The following OR9Q1 variants were observed in gnomAD, a reference collection of about 807,000 sequenced individuals.
OR9Q1 encodes the protein olfactory receptor 9Q1.
For synonymous variants in OR9Q1, 153 were observed against 148.6 expected (o/e 1.03, Z -0.22); for missense variants, 374 against 378.8 (o/e 0.99, Z 0.11).
chr11:58,025,877 C>A (rs1007836622), intron 1 of OR9Q1, among the ~76,000 whole-genome samples: 5 of 152,168 alleles, frequency 3.3e-5, no homozygotes, highest in African/African-American at 1.2e-4. Flanking sequence ...TGTCTCTCCC[C>A]TGGCTTGCTG....
At chr11:58,129,771 G>A (rs1854123688) in intron 2 of OR9Q1, among the ~76,000 whole-genome samples, 1 of 152,030 alleles carries the variant, frequency 6.6e-6, no homozygotes, top group South Asian at 2.1e-4. Context: ...TTCTGTCACA[G>A]CACCCTTCTC....
intron 2 of OR9Q1, chr11:58,060,144 C>G (rs1853366558): frequency 6.6e-6 from 1 of 152,224 alleles, no homozygotes; most frequent in African/African-American, 2.4e-5. Flanking sequence ...CTTCCTCTCC[C>G]AAGGATGGAA....
intron 2 of OR9Q1, among the ~76,000 whole-genome samples, chr11:58,160,078 A>G (rs1213869208): frequency 1.3e-5 from 2 of 152,164 alleles, no homozygotes; most frequent in Non-Finnish European, 2.9e-5. Flanking sequence ...GAACTCAGCC[A>G]CCATTTTGTG....
chr11:58,128,101 C>T (rs921445), intron 2 of OR9Q1, among the ~76,000 whole-genome samples: 31,895 of 151,558 alleles, frequency 0.21, 3,921 homozygotes, highest in Middle Eastern at 0.38. Context: ...ACCAAACTGT[C>T]AAAATGAGCA....
In OR9Q1 at chr11:58,043,202, T is replaced by A. The variant is rs539561292; in HGVS notation, c.-92-12668T>A. Among the ~76,000 whole-genome samples the A allele has an allele frequency of 8.5e-5, 13 of 152,300 alleles. 1 individual carries two copies. Among genetic ancestry groups the A allele is most frequent in the Middle Eastern group, 3.4e-3 (1 of 294 alleles). ...GTTCAAGGATTTCTCATTTGTGTCA[T>A]CCTCTCTTCAGCACCTGGTGGTTCC... On this transcript the variant is annotated intron_variant, in intron 1 of 2. Transcript: ENST00000335397.
At chr11:58,174,592 G>C (rs1854586783) in intron 2 of OR9Q1, among the ~76,000 whole-genome samples, 1 of 149,530 alleles carries the variant, frequency 6.7e-6, no homozygotes, top group Non-Finnish European at 1.5e-5. Context: ...AAAGATAGTT[G>C]TTTAACTTCA....
chr11:58,149,448 C>A (rs944082701), intron 2 of OR9Q1, among the ~76,000 whole-genome samples: 7 of 152,110 alleles, frequency 4.6e-5, no homozygotes, highest in African/African-American at 1.7e-4. Context: ...ATAAAATACA[C>A]ATAACATGGA....
intron 2 of OR9Q1, among the ~76,000 whole-genome samples, chr11:58,122,925 ATT>A (rs939930559): frequency 1.3e-5 from 2 of 149,338 alleles, no homozygotes; most frequent in Non-Finnish European, 3.0e-5. Flanking sequence ...CATACACCGT[ATT>A]TTTGTGATTT....
intron 2 of OR9Q1, among the ~76,000 whole-genome samples, chr11:58,071,550 G>A (rs948585126): frequency 6.6e-6 from 1 of 152,018 alleles, no homozygotes; most frequent in African/African-American, 2.4e-5. Flanking sequence ...AGAGCCTAGC[G>A]AAGTAGAGTT....
intron 2 of OR9Q1, chr11:58,118,450 A>T: frequency 8.1e-7 from 1 of 1,236,666 alleles, no homozygotes; most frequent in Non-Finnish European, 1.1e-6. Context: ...ATTAGGATAT[A>T]TTCATATGGG....
chr11:58,169,793 T>C (rs1854538067), intron 2 of OR9Q1, among the ~76,000 whole-genome samples: 2 of 152,156 alleles, frequency 1.3e-5, no homozygotes, highest in African/African-American at 4.8e-5. Flanking sequence ...ACGGGACATT[T>C]AGTATAACTA....
intron 1 of OR9Q1, chr11:58,040,921 C>T (rs1853155557): frequency 2.0e-5 from 3 of 152,238 alleles, no homozygotes; most frequent in Admixed American, 2.0e-4. Context: ...CCTCCATGGC[C>T]ATGGTGTCTT....
At chr11:58,088,173 AGTATTCCATGGGG>A (rs1853651655) in intron 2 of OR9Q1, among the ~76,000 whole-genome samples, 1 of 151,916 alleles carries the variant, frequency 6.6e-6, no homozygotes, top group South Asian at 2.1e-4. Context: ...ATGGCTGCAT[AGTATTCCATGGGG>A]TATATGTGCC....
rs139138214 is a variant in OR9Q1 at position 58,159,424 on chromosome 11, C to T, written c.-14-20007C>T. 3.7e-3 allele frequency among the ~76,000 whole-genome samples: 569 copies of T among 151,936 alleles called. 3 individuals carry two copies. The highest frequency in any genetic ancestry group is 0.013 in the African/African-American group (537 of 41,470). On this transcript the variant is annotated intron_variant, in intron 2 of 2. Transcript: ENST00000335397. ...CTCGTATGGGAAGATACAGAAGCCA[C>T]CTAGCATCAGCTTACAGAATTACAG...
intron 2 of OR9Q1, among the ~76,000 whole-genome samples, chr11:58,056,425 G>A (rs1853329070): frequency 6.6e-6 from 1 of 152,054 alleles, no homozygotes; most frequent in Non-Finnish European, 1.5e-5. Context: ...AAGTTAGTCT[G>A]GCACCTGTTT....
chr11:58,158,899 A>G (rs1188078300), intron 2 of OR9Q1, among the ~76,000 whole-genome samples: 21 of 152,210 alleles, frequency 1.4e-4, no homozygotes, highest in Admixed American at 1.4e-3. Context: ...AGAAGCAGAA[A>G]TGAGATATGA....
At chr11:58,133,151 C>T (rs762062937) in intron 2 of OR9Q1, among the ~76,000 whole-genome samples, 13 of 152,194 alleles carry the variant, frequency 8.5e-5, no homozygotes, top group Non-Finnish European at 1.6e-4. Flanking sequence ...GCACTACAGA[C>T]CAGACTGGAA....
chr11:58,060,980 A>G (rs1007475371), intron 2 of OR9Q1, among the ~76,000 whole-genome samples: 16 of 152,120 alleles, frequency 1.1e-4, no homozygotes, highest in African/African-American at 2.7e-4. Context: ...AACTCTTTCT[A>G]CTTCAGACTG....
intron 2 of OR9Q1, among the ~76,000 whole-genome samples, chr11:58,114,865 G>A (rs540015732): frequency 3.1e-4 from 47 of 152,304 alleles, no homozygotes; most frequent in Non-Finnish European, 5.4e-4. Flanking sequence ...GAGTGGTGGT[G>A]AAGGCAGTCA....
Sources: allele counts gnomAD v4.1 joint callset (sites outside exome capture counted in the v4.1 genomes callset), GRCh38; gene constraint gnomAD v4.1.1; transcripts MANE v1.5; gene names NCBI Gene and HGNC (gene_info 2026-07-23, HGNC 2026-07-21).